RIN2: variants seen among roughly 807,000 people sequenced by gnomAD.
RIN2 encodes Ras and Rab interactor 2.
A neutral mutation model predicts 78.0 loss-of-function variants in RIN2; 36 were observed. That is an observed-to-expected ratio of 0.46 (90% CI 0.35 to 0.61). RIN2 has a LOEUF of 0.61. RIN2 is among the 20% of genes least tolerant of loss of function. The pLI is 0.00. For missense variants in RIN2, 1,087 were observed against 1,159.7 expected (o/e 0.94, Z 0.91); for synonymous variants, 466 against 466.8 (o/e 1.00, Z 0.02).
chr20:19,948,393 T>C (rs1048736914), intron 4 of RIN2, among the ~76,000 whole-genome samples: 2 of 152,174 alleles, frequency 1.3e-5, no homozygotes, highest in Admixed American at 6.5e-5. Flanking sequence ...AAAAAATATA[T>C]ACATATACAT....
chr20:19,789,889 A>C (rs1487827518), intron 1 of RIN2, among the ~76,000 whole-genome samples: 1 of 152,150 alleles, frequency 6.6e-6, no homozygotes, highest in Non-Finnish European at 1.5e-5. Context: ...CTTATCTGTC[A>C]CTGAGCAAGT....
intron 2 of RIN2, among the ~76,000 whole-genome samples, chr20:19,846,702 T>G (rs555022187): frequency 6.6e-6 from 1 of 152,336 alleles, no homozygotes; most frequent in Non-Finnish European, 1.5e-5. Flanking sequence ...TATTTGAATA[T>G]GCTTTATTTC....
At chr20:19,999,932 C>A (rs992988821) in intron 12 of RIN2, among the ~76,000 whole-genome samples, 3 of 152,148 alleles carry the variant, frequency 2.0e-5, no homozygotes, top group African/African-American at 7.2e-5. Context: ...ATGAAATCAC[C>A]ATTTGGGGGA....
At chr20:19,782,088 G>T (rs980251028) in intron 1 of RIN2, among the ~76,000 whole-genome samples, 1 of 151,992 alleles carries the variant, frequency 6.6e-6, no homozygotes, top group Non-Finnish European at 1.5e-5. Flanking sequence ...ACATGACCAG[G>T]GTCCACAGGC....
chr20:19,891,824 A>G (rs7262948), intron 3 of RIN2, among the ~76,000 whole-genome samples: 1 of 152,178 alleles, frequency 6.6e-6, no homozygotes, highest in Admixed American at 6.5e-5. Flanking sequence ...GCAAGACTCC[A>G]TCTAAAAAAA....
rs774079992 is a variant in RIN2, at chr20:19,970,973, A to G, written c.628+44A>G. The G allele has an allele frequency of 2.7e-6, 4 of 1,460,760 alleles. No homozygotes were observed. In the East Asian group the frequency reaches 9.3e-5, roughly 34 times the overall value. The allele number at this position is 1,460,760 out of a possible 1,614,324, so 90.5% of individuals were successfully genotyped here. On this transcript the variant is annotated intron_variant, in intron 8 of 12. Coordinates refer to ENST00000255006, the MANE Select transcript of RIN2 (RefSeq NM_018993.4). ...CCTGAGTCTATCTAAAAATGAATCC[A>G]TGGAGCAGAGTCAATGGTGGGCTCA...
chr20:19,922,431 T>C (rs1366439735), intron 3 of RIN2, among the ~76,000 whole-genome samples: 1 of 152,120 alleles, frequency 6.6e-6, no homozygotes, highest in Non-Finnish European at 1.5e-5. Flanking sequence ...CTGGTCTCAA[T>C]TGAGGCCACT....
chr20:19,889,294 A>G, intron 2 of RIN2: 1 of 1,138,616 alleles, frequency 8.8e-7, no homozygotes, highest in Non-Finnish European at 1.1e-6. Flanking sequence ...TGAAACACAC[A>G]AAGTAATCAT....
chr20:19,807,066 G>C (rs2035433257), intron 2 of RIN2, among the ~76,000 whole-genome samples: 1 of 152,228 alleles, frequency 6.6e-6, no homozygotes, highest in Non-Finnish European at 1.5e-5. Context: ...CTAAGTCCAG[G>C]TTGGTGGGCA....
chr20:19,970,324 A>G (rs1317933387), intron 7 of RIN2, among the ~76,000 whole-genome samples: 1 of 152,206 alleles, frequency 6.6e-6, no homozygotes, highest in Non-Finnish European at 1.5e-5. Flanking sequence ...TGTCTCCAGC[A>G]CACCAAGGCC....
chr20:19,798,234 G>A (rs879693098), intron 1 of RIN2, among the ~76,000 whole-genome samples: 7 of 152,106 alleles, frequency 4.6e-5, no homozygotes, highest in Non-Finnish European at 8.8e-5. Flanking sequence ...AAGAACCCAG[G>A]TTAAGTAATT....
Position 19,992,959 on chromosome 20 carries a change from G to T in RIN2, c.2200+660G>T, listed in dbSNP as rs539131808. 6.9e-4 allele frequency among the ~76,000 whole-genome samples: 105 copies of T among 152,154 alleles called. 1 individual carries two copies. The highest frequency in any genetic ancestry group is 3.1e-3 in the Admixed American group (47 of 15,284). On this transcript the variant is annotated intron_variant, in intron 11 of 12. Transcript: ENST00000255006. The stretch of plus-strand genomic sequence containing the variant: ...TCATTTTTATAGTAAAAATACAGGG[G>T]TGTGGAATCTGTGCAGTTTGCTCTC...
intron 4 of RIN2, among the ~76,000 whole-genome samples, chr20:19,946,986 G>A (rs1404251303): frequency 7.0e-6 from 1 of 143,524 alleles, no homozygotes; most frequent in East Asian, 2.1e-4. Context: ...AGCCGAGATC[G>A]TACCACTGCA....
chr20:19,920,492 C>A (rs1022599814), intron 3 of RIN2, among the ~76,000 whole-genome samples: 25 of 152,138 alleles, frequency 1.6e-4, no homozygotes, highest in African/African-American at 6.0e-4. Flanking sequence ...TAGATCAAGG[C>A]CTCAGCAGGA....
chr20:19,904,767 C>T (rs1371147906), intron 3 of RIN2, among the ~76,000 whole-genome samples: 2 of 152,130 alleles, frequency 1.3e-5, no homozygotes, highest in Non-Finnish European at 2.9e-5. Flanking sequence ...CTATGTGCCA[C>T]CCTCATAAAG....
intron 1 of RIN2, among the ~76,000 whole-genome samples, chr20:19,788,600 T>C (rs1237607850): frequency 8.3e-6 from 1 of 120,420 alleles, no homozygotes; most frequent in Admixed American, 7.8e-5. Flanking sequence ...AGACTTTGTC[T>C]CGAAAAAAAA....
chr20:19,813,050 C>G (rs867187358), intron 2 of RIN2, among the ~76,000 whole-genome samples: 3 of 152,294 alleles, frequency 2.0e-5, no homozygotes, highest in Non-Finnish European at 2.9e-5. Context: ...ATTCACCACC[C>G]CTGCAGGAAG....
At chr20:19,965,823 G>A (rs2041920827) in intron 7 of RIN2, among the ~76,000 whole-genome samples, 1 of 152,132 alleles carries the variant, frequency 6.6e-6, no homozygotes, top group African/African-American at 2.4e-5. Context: ...TGTTGACCAG[G>A]CTGGTCTTGA....
intron 7 of RIN2, among the ~76,000 whole-genome samples, chr20:19,969,203 G>A (rs2146294496): frequency 6.6e-6 from 1 of 152,228 alleles, no homozygotes; most frequent in Non-Finnish European, 1.5e-5. Context: ...CAAGAATGTT[G>A]CCTAATTTTA....
Sources: allele counts gnomAD v4.1 joint callset (sites outside exome capture counted in the v4.1 genomes callset), GRCh38; gene constraint gnomAD v4.1.1; transcripts MANE v1.5; gene names NCBI Gene and HGNC (gene_info 2026-07-23, HGNC 2026-07-21).